Variants in ABL2 observed in about 807,000 individuals in gnomAD.
The protein encoded by ABL2 is ABL proto-oncogene 2, non-receptor tyrosine kinase, also known as tyrosine-protein kinase ABL2.
Under a neutral mutation model 107.7 loss-of-function variants are expected in ABL2, and 49 were observed. That is an observed-to-expected ratio of 0.45 (90% CI 0.36 to 0.58). The LOEUF (loss-of-function observed/expected upper bound fraction) is 0.58. Ranked by LOEUF, ABL2 falls within the 20% of genes least tolerant of loss-of-function variation. The pLI is 0.00. For synonymous variants in ABL2, 549 were observed against 548.6 expected, an observed-to-expected ratio of 1.00 and a Z score of -0.01; for missense variants, 1,245 against 1,457.0, an observed-to-expected ratio of 0.85 and a Z score of 2.37.
Position 179,228,385 on chromosome 1 carries a change from CA to C in ABL2, c.157+855del, listed in dbSNP as rs1205230035. Among the ~76,000 whole-genome samples, 6 of 151,910 alleles carry C rather than the reference CA, an allele frequency of 3.9e-5. No individual in the cohort carries two copies. In the East Asian group the frequency reaches 5.8e-4, roughly 15 times the overall value. On this transcript the variant is annotated intron_variant, in intron 1 of 11. Transcript: ENST00000502732. ...ACAAAAACAAAACAAAAAAACAAGA[CA>C]AAAAAAGTTTGGAGACAACTATTCT...
At chr1:179,177,438 G>C (rs1461556163) in intron 1 of ABL2, among the ~76,000 whole-genome samples, 1 of 152,212 alleles carries the variant, frequency 6.6e-6, no homozygotes, top group Non-Finnish European at 1.5e-5. Context: ...ATTGTTTCTG[G>C]GAGCATCTTG....
chr1:179,225,059 A>T (rs1663117275), intron 1 of ABL2, among the ~76,000 whole-genome samples: 1 of 152,108 alleles, frequency 6.6e-6, no homozygotes, highest in Non-Finnish European at 1.5e-5. Flanking sequence ...GTTGACAAAA[A>T]AAATAGCAGA....
chr1:179,120,123 G>A, intron 6 of ABL2, 67 bp downstream of exon 6: 2 of 966,702 alleles, frequency 2.1e-6, no homozygotes, highest in Admixed American at 2.5e-5. Context: ...AAAGCATTTG[G>A]AGATAACAAG....
intron 1 of ABL2, among the ~76,000 whole-genome samples, chr1:179,174,392 T>C (rs1659905557): frequency 6.6e-6 from 1 of 151,552 alleles, no homozygotes; most frequent in African/African-American, 2.4e-5. Flanking sequence ...GCAGACCACC[T>C]GAGGTCGGGA....
chr1:179,142,067 C>T (rs1657641214), intron 1 of ABL2, among the ~76,000 whole-genome samples: 1 of 152,136 alleles, frequency 6.6e-6, no homozygotes, highest in South Asian at 2.1e-4. Context: ...TGTATACGCC[C>T]AAATGCAAGT....
chr1:179,189,646 A>G (rs34535070), intron 1 of ABL2, among the ~76,000 whole-genome samples: 12,017 of 152,152 alleles, frequency 0.079, 643 homozygotes, highest in East Asian at 0.16. Context: ...AGAAAAAACA[A>G]AACCCCAAAG....
At chr1:179,177,274 C>A (rs1206660048) in intron 1 of ABL2, among the ~76,000 whole-genome samples, 1 of 152,218 alleles carries the variant, frequency 6.6e-6, no homozygotes, top group East Asian at 1.9e-4. Context: ...GCAAGCCAGG[C>A]TGCTATACTA....
intron 1 of ABL2, among the ~76,000 whole-genome samples, chr1:179,154,436 T>C (rs1191895757): frequency 1.3e-5 from 2 of 152,218 alleles, no homozygotes; most frequent in African/African-American, 4.8e-5. Context: ...CTTGCTATAA[T>C]TTATTATATT....
At position 179,133,518 on chromosome 1, in the gene ABL2, T is replaced by G; in HGVS notation, c.158-144A>C. On this transcript the variant is annotated intron_variant, in intron 1 of 11. Coordinates refer to ENST00000502732, the MANE Select transcript of ABL2 (RefSeq NM_007314.4). ...CTTCTCCAGCTTCGCCTCTCCCTAC[T>G]CCATACCTCAAATTGTAAACTTTAA... The G allele has an allele frequency of 3.8e-6, 5 of 1,307,750 alleles. No individual in the cohort carries two copies. In the South Asian group the frequency reaches 6.9e-5, roughly 18 times the overall value. The allele number at this position is 1,307,750 out of a possible 1,614,324, so 81.0% of individuals were successfully genotyped here.
chr1:179,170,641 C>G (rs1659665169), intron 1 of ABL2, among the ~76,000 whole-genome samples: 1 of 152,132 alleles, frequency 6.6e-6, no homozygotes, highest in African/African-American at 2.4e-5. Flanking sequence ...TGTCACCCAG[C>G]TGGAGTGCAG....
intron 1 of ABL2, among the ~76,000 whole-genome samples, chr1:179,202,102 A>T (rs987791867): frequency 5.9e-5 from 9 of 152,170 alleles, no homozygotes; most frequent in Admixed American, 2.0e-4. Context: ...TAAAAAAAAA[A>T]AATAATCTCA....
intron 1 of ABL2, among the ~76,000 whole-genome samples, chr1:179,179,460 G>GTT (rs146909377): frequency 1.3e-4 from 19 of 148,444 alleles, no homozygotes; most frequent in Admixed American, 2.7e-4. Flanking sequence ...ATCTTAAAGG[G>GTT]TTTTTTTTTT....
At chr1:179,192,165 C>T (rs776924095) in intron 1 of ABL2, among the ~76,000 whole-genome samples, 17 of 152,074 alleles carry the variant, frequency 1.1e-4, no homozygotes, top group African/African-American at 3.4e-4. Flanking sequence ...GATTTAGTTA[C>T]GAAAAACAAT....
chr1:179,219,050 G>GC, intron 1 of ABL2, among the ~76,000 whole-genome samples: 1 of 151,570 alleles, frequency 6.6e-6, no homozygotes, highest in Non-Finnish European at 1.5e-5. Context: ...CACTAAACAA[G>GC]TTTTCTTTTT....
intron 1 of ABL2, among the ~76,000 whole-genome samples, chr1:179,192,910 A>G (rs1467806403): frequency 6.6e-6 from 1 of 152,206 alleles, no homozygotes; most frequent in East Asian, 1.9e-4. Context: ...TATTATGTCT[A>G]TTTGAATTAC....
chr1:179,137,425 T>A (rs963508458), intron 1 of ABL2, among the ~76,000 whole-genome samples: 1 of 152,138 alleles, frequency 6.6e-6, no homozygotes, highest in African/African-American at 2.4e-5. Context: ...TCCACACTTA[T>A]AAATATATAT....
At chr1:179,174,935 T>C (rs1659963199) in intron 1 of ABL2, among the ~76,000 whole-genome samples, 1 of 146,768 alleles carries the variant, frequency 6.8e-6, no homozygotes, top group Non-Finnish European at 1.5e-5. Flanking sequence ...ATAATAATAA[T>C]AATAATAATT....
intron 1 of ABL2, among the ~76,000 whole-genome samples, chr1:179,196,923 C>CA (rs566735581): frequency 6.6e-6 from 1 of 151,938 alleles, no homozygotes; most frequent in African/African-American, 2.4e-5. Flanking sequence ...AAATAAAAGA[C>CA]ATAATAATTG....
At position 179,106,540 on chromosome 1, in the gene ABL2, G is replaced by A; in HGVS notation, c.*1178C>T. On this transcript the variant is annotated 3_prime_UTR_variant, in exon 12 of 12. Coordinates refer to ENST00000502732, the MANE Select transcript of ABL2 (RefSeq NM_007314.4). ...AGAAAAGCATGTGAGAATAATGTGG[G>A]GGTGATTCACTTCAAATCCATAGAG... The A allele has an allele frequency of 4.3e-6, 1 of 233,114 alleles. No individual in the cohort carries two copies. Among genetic ancestry groups the A allele is most frequent in the Non-Finnish European group, 8.5e-6 (1 of 117,984 alleles). The allele number at this position is 233,114 out of a possible 1,614,324, so 14.4% of individuals were successfully genotyped here. A position where few individuals can be genotyped will look rare whatever the true frequency, so the allele number is the denominator to read the frequency against.
Sources: allele counts gnomAD v4.1 joint callset (sites outside exome capture counted in the v4.1 genomes callset), GRCh38; gene constraint gnomAD v4.1.1; transcripts MANE v1.5; gene names NCBI Gene and HGNC (gene_info 2026-07-23, HGNC 2026-07-21).